MCC: variants seen among roughly 807,000 people sequenced by gnomAD.
MCC encodes the protein colorectal mutant cancer protein.
A neutral mutation model predicts 116.2 loss-of-function variants in MCC; 90 were observed. That is an observed-to-expected ratio of 0.77 (90% CI 0.65 to 0.92). The LOEUF (loss-of-function observed/expected upper bound fraction) is 0.92, where lower values mean the gene tolerates loss of function less well. MCC is among the 40% of genes least tolerant of loss of function. The pLI is 0.00. For synonymous variants in MCC, 578 were observed against 510.5 expected (o/e 1.13, Z -1.78); for missense variants, 1,516 against 1,312.2 (o/e 1.16, Z -2.40).
At chr5:113,415,040 G>A in intron 1 of MCC, among the ~76,000 whole-genome samples, 1 of 152,142 alleles carries the variant, frequency 6.6e-6, no homozygotes, top group Non-Finnish European at 1.5e-5. Flanking sequence ...TAGTTTGGCT[G>A]GATATAAAAT....
chr5:113,414,286 A>G (rs976602613), intron 1 of MCC, among the ~76,000 whole-genome samples: 10 of 151,998 alleles, frequency 6.6e-5, no homozygotes, highest in African/African-American at 1.9e-4. Context: ...TATTAGGTCC[A>G]CTTGGTGCAG....
At chr5:113,048,720 C>G (rs1028279704) in intron 16 of MCC, 2 of 370,784 alleles carry the variant, frequency 5.4e-6, no homozygotes, top group African/African-American at 4.2e-5. Flanking sequence ...GATTTTGGAT[C>G]ATATCACCTG....
chr5:113,205,436 G>A (rs1000213367), intron 3 of MCC, among the ~76,000 whole-genome samples: 7 of 152,326 alleles, frequency 4.6e-5, no homozygotes, highest in African/African-American at 1.4e-4. Flanking sequence ...ACAGGATGGA[G>A]AAAACAAAGT....
intron 3 of MCC, among the ~76,000 whole-genome samples, chr5:113,171,480 G>A (rs1323102586): frequency 6.6e-6 from 1 of 151,830 alleles, no homozygotes; most frequent in African/African-American, 2.4e-5. Flanking sequence ...TCAGCCTCCT[G>A]AGTAGCTAGG....
chr5:113,127,019 C>G (rs1045478154), intron 5 of MCC, among the ~76,000 whole-genome samples: 3 of 152,162 alleles, frequency 2.0e-5, no homozygotes, highest in African/African-American at 7.2e-5. Flanking sequence ...TCTCCCTCCT[C>G]CCACCATCCA....
intron 3 of MCC, among the ~76,000 whole-genome samples, chr5:113,238,178 G>A (rs746349972): frequency 6.6e-6 from 1 of 152,120 alleles, no homozygotes; most frequent in East Asian, 1.9e-4. Flanking sequence ...CCAGGCTTTG[G>A]GGGTAGAGGC....
chr5:113,338,228 A>G (rs1168858840), intron 3 of MCC, among the ~76,000 whole-genome samples: 1 of 152,226 alleles, frequency 6.6e-6, no homozygotes, highest in Non-Finnish European at 1.5e-5. Context: ...TTGCCAAGGG[A>G]TCGCCTTAAG....
chr5:113,188,804 G>T (rs928265200), intron 3 of MCC, among the ~76,000 whole-genome samples: 2 of 152,186 alleles, frequency 1.3e-5, no homozygotes, highest in Non-Finnish European at 2.9e-5. Context: ...CTGGTCAGTG[G>T]CAGAGCCAGG....
chr5:113,114,592 T>C (rs1296918661), intron 6 of MCC, among the ~76,000 whole-genome samples: 1 of 152,116 alleles, frequency 6.6e-6, no homozygotes, highest in Non-Finnish European at 1.5e-5. Flanking sequence ...CCCCCCATCC[T>C]ATACCCATAA....
chr5:113,375,868 G>A (rs1768967903), intron 2 of MCC, among the ~76,000 whole-genome samples: 1 of 152,106 alleles, frequency 6.6e-6, no homozygotes, highest in Admixed American at 6.5e-5. Context: ...TTTAAGGGGT[G>A]GGGAAAAAAT....
intron 1 of MCC, among the ~76,000 whole-genome samples, chr5:113,485,762 C>T (rs773426742): frequency 5.9e-5 from 9 of 152,068 alleles, no homozygotes; most frequent in Non-Finnish European, 1.0e-4. Context: ...CAAAGCCAAC[C>T]CTTACTTGAC....
chr5:113,280,228 T>A (rs1765990655), intron 3 of MCC, among the ~76,000 whole-genome samples: 1 of 152,204 alleles, frequency 6.6e-6, no homozygotes, highest in South Asian at 2.1e-4. Flanking sequence ...AGGCGAGCTG[T>A]AGCCCAGATC....
chr5:113,369,155 A>G (rs1768776691), intron 2 of MCC, among the ~76,000 whole-genome samples: 1 of 151,794 alleles, frequency 6.6e-6, no homozygotes, highest in Non-Finnish European at 1.5e-5. Context: ...GGCATGATTG[A>G]TTATCACTGA....
intron 1 of MCC, among the ~76,000 whole-genome samples, chr5:113,391,385 C>G (rs1405110693): frequency 1.3e-5 from 2 of 152,080 alleles, no homozygotes; most frequent in African/African-American, 2.4e-5. Context: ...GCTGTACTTC[C>G]TTTTCCTAGC....
intron 3 of MCC, among the ~76,000 whole-genome samples, chr5:113,277,168 C>A (rs1765861372): frequency 6.6e-6 from 1 of 151,030 alleles, no homozygotes; most frequent in Non-Finnish European, 1.5e-5. Context: ...CATGGTGAAA[C>A]CCCATCTCTA....
chr5:113,151,858 C>T (rs1439840012), intron 3 of MCC, among the ~76,000 whole-genome samples: 6 of 152,124 alleles, frequency 3.9e-5, no homozygotes, highest in African/African-American at 1.4e-4. Flanking sequence ...GGAATCCAGT[C>T]ATCTAAATTG....
At chr5:113,419,931 T>G (rs1411647320) in intron 1 of MCC, among the ~76,000 whole-genome samples, 2 of 147,634 alleles carry the variant, frequency 1.4e-5, no homozygotes, top group Non-Finnish European at 3.0e-5. Flanking sequence ...AAATGACGAG[T>G]TAATGGGTGC....
intron 3 of MCC, among the ~76,000 whole-genome samples, chr5:113,257,831 C>T (rs1183470528): frequency 6.6e-6 from 1 of 152,044 alleles, no homozygotes. Context: ...TAATCAATAC[C>T]ACATGTTCCC....
chr5:113,294,692 G>C, intron 3 of MCC: 1 of 1,033,124 alleles, frequency 9.7e-7, no homozygotes, highest in African/African-American at 1.7e-5. Flanking sequence ...CCGTTCCGGG[G>C]CAGTGCCACC....
Sources: gnomAD v4.1 joint callset for allele counts (sites outside exome capture counted in the v4.1 genomes callset) on GRCh38, gnomAD v4.1.1 for gene constraint, MANE v1.5 for transcripts, NCBI Gene and HGNC (gene_info 2026-07-23, HGNC 2026-07-21) for gene names.